Variants in MYO3A observed in about 807,000 individuals in gnomAD.
MYO3A encodes myosin-IIIa.
A neutral mutation model predicts 192.7 loss-of-function variants in MYO3A; 180 were observed. The ratio of observed to expected loss-of-function variants is 0.93; its 90% confidence interval spans 0.83 to 1.06. MYO3A has a LOEUF of 1.06. MYO3A is among the 50% of genes least tolerant of loss of function. MYO3A has a pLI of 0.00. For synonymous variants in MYO3A, 628 were observed against 645.3 expected (o/e 0.97, Z 0.41); for missense variants, 1,896 against 1,905.0 (o/e 1.00, Z 0.09).
chr10:26,107,704 C>G (rs1019167539), intron 17 of MYO3A, among the ~76,000 whole-genome samples: 2 of 150,896 alleles, frequency 1.3e-5, no homozygotes, highest in South Asian at 4.2e-4. Context: ...TAAATTAATC[C>G]CATATCTCTG....
Position 26,016,849 on chromosome 10 carries a change from C to T in MYO3A, c.538C>T (p.His180Tyr). ...GTCTGCACAGCTCACCAGTACCCGG[C>T]ACCGTCGGAACACATCCGTAGGAAC... ...GVSAQLTSTRHRRNTSVGTPF... is the reference protein window; with the variant it reads ...GVSAQLTSTRYRRNTSVGTPF... Residue 180 changes from histidine to tyrosine, a missense_variant, in exon 7 of 35, where the codon CAC becomes TAC. His to Tyr is a moderately conservative substitution (Grantham distance 83, BLOSUM62 2). Transcript: ENST00000642920. 1 of 1,614,194 alleles carries T rather than the reference C, an allele frequency of 6.2e-7. No individual in the cohort carries two copies. The highest frequency in any genetic ancestry group is 8.5e-7 in the Non-Finnish European group (1 of 1,180,018).
At chr10:26,152,976 G>A (rs1027531736) in intron 23 of MYO3A, among the ~76,000 whole-genome samples, 1 of 152,166 alleles carries the variant, frequency 6.6e-6, no homozygotes, top group African/African-American at 2.4e-5. Flanking sequence ...AAAACATTCA[G>A]CCTCTACTTA....
At chr10:26,137,887 T>C (rs1002952656) in intron 20 of MYO3A, among the ~76,000 whole-genome samples, 21 of 152,218 alleles carry the variant, frequency 1.4e-4, no homozygotes, top group African/African-American at 3.9e-4. Flanking sequence ...GAGGTCAGAC[T>C]GGTTCTCTGC....
At chr10:25,938,185 A>G (rs1456412704) in intron 2 of MYO3A, among the ~76,000 whole-genome samples, 1 of 152,200 alleles carries the variant, frequency 6.6e-6, no homozygotes, top group Non-Finnish European at 1.5e-5. Flanking sequence ...CGGGTGTAGT[A>G]ACTGTGTATG....
intron 29 of MYO3A, among the ~76,000 whole-genome samples, chr10:26,170,972 C>T (rs1564617739): frequency 6.6e-6 from 1 of 152,190 alleles, no homozygotes; most frequent in Non-Finnish European, 1.5e-5. Flanking sequence ...TGTTAGCAAA[C>T]CACTTATTCA....
At chr10:26,011,023 GT>G (rs2131006990) in intron 6 of MYO3A, among the ~76,000 whole-genome samples, 1 of 152,192 alleles carries the variant, frequency 6.6e-6, no homozygotes, top group East Asian at 1.9e-4. Flanking sequence ...GATTGTTTTT[GT>G]TTTTGAGACA....
chr10:26,100,988 C>T (rs1185581288), intron 17 of MYO3A, among the ~76,000 whole-genome samples: 1 of 152,122 alleles, frequency 6.6e-6, no homozygotes, highest in East Asian at 1.9e-4. Context: ...CTAATATTGA[C>T]AGTGGGGTGT....
chr10:26,061,638 T>C (rs1323020980), intron 10 of MYO3A, among the ~76,000 whole-genome samples: 1 of 152,216 alleles, frequency 6.6e-6, no homozygotes, highest in Non-Finnish European at 1.5e-5. Context: ...AGTTGTACCA[T>C]AGAAGATAGG....
chr10:25,966,603 C>A lies in MYO3A; in HGVS notation c.303+11595C>A, dbSNP rs193293022. Among the ~76,000 whole-genome samples the A allele has an allele frequency of 2.9e-3, 446 of 152,190 alleles. 3 individuals are homozygous for A. The highest frequency in any genetic ancestry group is 0.01 in the African/African-American group (432 of 41,532). On this transcript the variant is annotated intron_variant, in intron 4 of 34. Transcript: ENST00000642920. ...AAAAAAAAACTGAACAGTTTTAGTA[C>A]CTTTATTCTTTGAAATAGCCCCCAA...
chr10:26,010,308 A>G (rs1841542478), intron 6 of MYO3A, among the ~76,000 whole-genome samples: 1 of 152,114 alleles, frequency 6.6e-6, no homozygotes, highest in African/African-American at 2.4e-5. Context: ...TTGAATCTTA[A>G]AGCTAGAAAG....
chr10:26,098,979 A>G (rs1038651486), intron 17 of MYO3A, among the ~76,000 whole-genome samples: 4 of 152,136 alleles, frequency 2.6e-5, no homozygotes, highest in Non-Finnish European at 4.4e-5. Flanking sequence ...GGAGATGGCA[A>G]TGAATCTACA....
At chr10:26,019,089 G>A (rs1220147293) in intron 7 of MYO3A, among the ~76,000 whole-genome samples, 2 of 151,616 alleles carry the variant, frequency 1.3e-5, no homozygotes, top group African/African-American at 4.8e-5. Context: ...CATCACAAAC[G>A]TTTTTGCTCC....
chr10:26,159,119 T>A (rs1841331281), intron 26 of MYO3A, among the ~76,000 whole-genome samples: 1 of 151,180 alleles, frequency 6.6e-6, no homozygotes, highest in African/African-American at 2.4e-5. Flanking sequence ...GCCTCCTGAA[T>A]AGCTAGAACT....
At chr10:26,053,669 C>CA (rs1588868574) in intron 10 of MYO3A, among the ~76,000 whole-genome samples, 2 of 152,050 alleles carry the variant, frequency 1.3e-5, no homozygotes, top group East Asian at 3.9e-4. Flanking sequence ...ACTAAAAACA[C>CA]AAAAAATTAG....
At chr10:26,053,676 T>C (rs1413697014) in intron 10 of MYO3A, among the ~76,000 whole-genome samples, 1 of 151,910 alleles carries the variant, frequency 6.6e-6, no homozygotes, top group Non-Finnish European at 1.5e-5. Context: ...ACACAAAAAA[T>C]TAGCCAAGTG....
intron 17 of MYO3A, among the ~76,000 whole-genome samples, chr10:26,111,613 A>G (rs1838184733): frequency 6.6e-6 from 1 of 152,192 alleles, no homozygotes; most frequent in African/African-American, 2.4e-5. Flanking sequence ...CTATGAAGAC[A>G]AGCTGATTCA....
In MYO3A at chr10:26,125,434, A is replaced by G. The variant is rs1302697771; in HGVS notation, c.1940A>G (p.Gln647Arg). 1.2e-6 allele frequency: 2 copies of G among 1,614,066 alleles called. No individual in the cohort carries two copies. The highest frequency in any genetic ancestry group is 2.2e-5 in the East Asian group (1 of 44,850). ...CTTTGCATTCGGGCAGATGAGCTAC[A>G]AGAAGCTCTCACCTCCCACTGTGTG... is the stretch of plus-strand genomic sequence containing the variant. Reference protein sequence around the residue: ...SLLCIRADELQEALTSHCVVT... With the variant: ...SLLCIRADELREALTSHCVVT... The change falls in exon 19 of 35, where the codon CAA (glutamine) becomes CGA (arginine). Residue 647 changes from glutamine to arginine, a missense_variant. Transcript: ENST00000642920.
intron 6 of MYO3A, among the ~76,000 whole-genome samples, chr10:26,005,557 G>A (rs918654469): frequency 6.6e-6 from 1 of 152,074 alleles, no homozygotes; most frequent in Admixed American, 6.6e-5. Context: ...CTTGTTTGTG[G>A]CAATTACAAA....
chr10:26,178,383 C>T (rs762800837), intron 31 of MYO3A, among the ~76,000 whole-genome samples: 2 of 152,068 alleles, frequency 1.3e-5, no homozygotes, highest in African/African-American at 2.4e-5. Context: ...GAAACCCCTT[C>T]TCTACTAAAA....
Sources: gnomAD v4.1 joint callset for allele counts (sites outside exome capture counted in the v4.1 genomes callset) on GRCh38, gnomAD v4.1.1 for gene constraint, MANE v1.5 for transcripts, NCBI Gene and HGNC (gene_info 2026-07-23, HGNC 2026-07-21) for gene names.